The following PSD3 variants were observed in gnomAD, a reference collection of about 807,000 sequenced individuals.
The protein encoded by PSD3 is PH and SEC7 domain-containing protein 3.
Under a neutral mutation model 105.5 loss-of-function variants are expected in PSD3, and 49 were observed. The ratio of observed to expected loss-of-function variants is 0.46; its 90% CI spans 0.37 to 0.59. The LOEUF (loss-of-function observed/expected upper bound fraction) is 0.59, where lower values mean the gene tolerates loss of function less well. PSD3 is among the 20% of genes least tolerant of loss of function. The probability of loss-of-function intolerance (pLI) is 0.00; values close to 1 mark genes in which losing one functional copy is unlikely to be tolerated. For missense variants in PSD3, 1,561 were observed against 1,263.8 expected (o/e 1.24, Z -3.57); for synonymous variants, 557 against 457.8 (o/e 1.22, Z -2.77).
intron 9 of PSD3, among the ~76,000 whole-genome samples, chr8:18,746,594 A>C (rs941760764): frequency 6.6e-6 from 1 of 152,230 alleles, no homozygotes; most frequent in Admixed American, 6.5e-5. Context: ...TTTCAGAATT[A>C]ATAGCTCATA....
In PSD3 at chr8:18,600,892, A is replaced by C. The variant is rs566747373; in HGVS notation, c.2411-458T>G. 1.1e-3 allele frequency among the ~76,000 whole-genome samples: 164 copies of C among 152,312 alleles called. 1 individual carries two copies. Among genetic ancestry groups the C allele is most frequent in the Middle Eastern group, 0.01 (3 of 294 alleles). On this transcript the variant is annotated intron_variant, in intron 11 of 15. Coordinates refer to ENST00000327040, the MANE Select transcript of PSD3 (RefSeq NM_015310.4). ...AATCACGAAGTAGTCTCAGAATATG[A>C]AAGGACCACTTTTGGCATTTCTCCC...
intron 9 of PSD3, among the ~76,000 whole-genome samples, chr8:18,657,833 A>G (rs931102612): frequency 9.2e-5 from 14 of 152,244 alleles, no homozygotes; most frequent in African/African-American, 3.4e-4. Context: ...CATACTCAAT[A>G]TTACCCAGAG....
intron 15 of PSD3, among the ~76,000 whole-genome samples, chr8:18,548,880 T>C (rs1458594041): frequency 3.3e-5 from 5 of 152,050 alleles, no homozygotes; most frequent in African/African-American, 1.2e-4. Context: ...GTCTACAGAG[T>C]AGTTAGAAGC....
At chr8:19,002,398 C>G (rs908746040) in intron 1 of PSD3, among the ~76,000 whole-genome samples, 12 of 151,874 alleles carry the variant, frequency 7.9e-5, no homozygotes, top group African/African-American at 2.9e-4. Flanking sequence ...TTCCTATTAT[C>G]GCATTTATTT....
chr8:18,586,727 C>A (rs145184726), intron 12 of PSD3, among the ~76,000 whole-genome samples: 1 of 152,116 alleles, frequency 6.6e-6, no homozygotes, highest in Non-Finnish European at 1.5e-5. Flanking sequence ...TTCCTTCTGT[C>A]TCAGGCAGTA....
chr8:18,627,107 C>G (rs1176336046), intron 11 of PSD3, among the ~76,000 whole-genome samples: 1 of 151,960 alleles, frequency 6.6e-6, no homozygotes, highest in African/African-American at 2.4e-5. Flanking sequence ...CATTTCAAAA[C>G]AGAAAACATT....
chr8:18,815,559 C>A (rs1418884919), intron 4 of PSD3, among the ~76,000 whole-genome samples: 2 of 152,164 alleles, frequency 1.3e-5, no homozygotes, highest in South Asian at 2.1e-4. Context: ...GATCTCTCCA[C>A]CTCGGCCTCC....
intron 12 of PSD3, among the ~76,000 whole-genome samples, chr8:18,580,462 A>G (rs567147004): frequency 9.9e-4 from 150 of 152,118 alleles, no homozygotes; most frequent in African/African-American, 3.4e-3. Flanking sequence ...TACAAAACCT[A>G]TTGGTTGAGC....
chr8:18,608,978 C>T (rs955935004), intron 11 of PSD3, among the ~76,000 whole-genome samples: 9 of 152,104 alleles, frequency 5.9e-5, no homozygotes, highest in African/African-American at 2.2e-4. Flanking sequence ...TCTCTGGGTG[C>T]CCTGATCATC....
intron 10 of PSD3, among the ~76,000 whole-genome samples, chr8:18,634,870 G>T: frequency 6.6e-6 from 1 of 152,064 alleles, no homozygotes; most frequent in East Asian, 1.9e-4. Context: ...CTACAGTAAA[G>T]TTACTATTTA....
In PSD3 at chr8:18,871,642, C is replaced by G; in HGVS notation, c.1222G>C (p.Glu408Gln). Residue 408 changes from glutamate (E) to glutamine (Q), a missense_variant, in exon 3 of 16, where the codon GAG becomes CAG. Coordinates refer to ENST00000327040, the MANE Select transcript of PSD3 (RefSeq NM_015310.4). ...GGAGCTCACCTTTCCCTGTCTCTCT[C>G]TGGTTTAGGTGTCTTCTCAAGATGC... is the stretch of plus-strand genomic sequence containing the variant. ...KQHLEKTPKP[E>Q]RDRERISEQE... 6.2e-7 allele frequency: 1 copy of G among 1,605,262 alleles called. No homozygotes were observed. The highest frequency in any genetic ancestry group is 8.5e-7 in the Non-Finnish European group (1 of 1,175,712).
intron 1 of PSD3, among the ~76,000 whole-genome samples, chr8:18,944,055 C>T (rs1822714363): frequency 6.6e-6 from 1 of 152,164 alleles, no homozygotes; most frequent in Non-Finnish European, 1.5e-5. Flanking sequence ...TACTATATCA[C>T]ATTATACTCC....
At chr8:18,856,745 T>C (rs1816042200) in intron 4 of PSD3, among the ~76,000 whole-genome samples, 1 of 152,206 alleles carries the variant, frequency 6.6e-6, no homozygotes. Flanking sequence ...CTTAGAATTA[T>C]TATTACAGAA....
intron 11 of PSD3, among the ~76,000 whole-genome samples, chr8:18,606,835 G>A (rs966503141): frequency 6.6e-6 from 1 of 152,140 alleles, no homozygotes; most frequent in African/African-American, 2.4e-5. Flanking sequence ...CTGAGTGTTG[G>A]GCTAACGTTA....
chr8:19,049,691 A>C lies in PSD3; in HGVS notation c.324+34515T>G, dbSNP rs957784056. 3.3e-3 allele frequency among the ~76,000 whole-genome samples: 54 copies of C among 16,304 alleles called. 1 individual carries two copies. Among genetic ancestry groups the C allele is most frequent in the Admixed American group, 0.024 (50 of 2,098 alleles). 10.7% of individuals were successfully genotyped at this position (16,304 alleles called of 152,430 possible). On this transcript the variant is annotated intron_variant, in intron 1 of 1. Transcript: ENST00000521475. ...GGGTGACAGACTAAGACCCTGTCTCAAAAAAAAAAAAAAAAAAAAAAAAAA... is the reference window on the plus strand; with the variant it reads ...GGGTGACAGACTAAGACCCTGTCTCCAAAAAAAAAAAAAAAAAAAAAAAAA...
chr8:18,869,834 T>C (rs1258408563), intron 3 of PSD3, among the ~76,000 whole-genome samples: 1 of 152,220 alleles, frequency 6.6e-6, no homozygotes, highest in Non-Finnish European at 1.5e-5. Flanking sequence ...CATGTTTATG[T>C]GATCAATGTT....
chr8:19,055,543 G>T (rs563962956), intron 1 of PSD3, among the ~76,000 whole-genome samples: 1 of 152,202 alleles, frequency 6.6e-6, no homozygotes, highest in African/African-American at 2.4e-5. Flanking sequence ...GTGAGCCACC[G>T]TGCCCGGCCG....
At chr8:18,900,550 A>G (rs188259956) in intron 2 of PSD3, among the ~76,000 whole-genome samples, 34 of 151,604 alleles carry the variant, frequency 2.2e-4, no homozygotes, top group Non-Finnish European at 3.4e-4. Flanking sequence ...CAGCATCACT[A>G]GTGGTACTTT....
At chr8:18,607,590 G>C (rs931840819) in intron 11 of PSD3, among the ~76,000 whole-genome samples, 1 of 147,266 alleles carries the variant, frequency 6.8e-6, no homozygotes, top group Admixed American at 7.2e-5. Context: ...ATAAATCTGG[G>C]ATCTAGGAGT....
Sources: gnomAD v4.1 joint callset for allele counts (sites outside exome capture counted in the v4.1 genomes callset) on GRCh38, gnomAD v4.1.1 for gene constraint, MANE v1.5 for transcripts, NCBI Gene and HGNC (gene_info 2026-07-23, HGNC 2026-07-21) for gene names.